The following PINX1 variants were observed in gnomAD, a reference collection of about 807,000 sequenced individuals.
The protein encoded by PINX1 is PIN2 (TERF1) interacting telomerase inhibitor 1.
A neutral mutation model predicts 25.4 loss-of-function variants in PINX1; 34 were observed. The observed-to-expected ratio is 1.34, with a 90% confidence interval of 1.02 to 1.78. The LOEUF is 1.78. PINX1 is among the 40% of genes most tolerant of loss of function. The pLI, the probability that PINX1 is intolerant of heterozygous loss-of-function variation, is 0.00. For missense variants in PINX1, 592 were observed against 404.9 expected, an observed-to-expected ratio of 1.46 and a Z score of -3.97; for synonymous variants, 197 against 147.7, an observed-to-expected ratio of 1.33 and a Z score of -2.42.
At chr8:10,831,031 A>G (rs1798212567) in intron 4 of PINX1, among the ~76,000 whole-genome samples, 1 of 152,240 alleles carries the variant, frequency 6.6e-6, no homozygotes, top group Non-Finnish European at 1.5e-5. Context: ...AACAGCCAAG[A>G]TATGGAATCA....
intron 3 of PINX1, among the ~76,000 whole-genome samples, chr8:10,831,980 G>T (rs571888010): frequency 6.6e-6 from 1 of 152,188 alleles, no homozygotes; most frequent in Non-Finnish European, 1.5e-5. Flanking sequence ...GATTTCAAAT[G>T]TGAATGACTT....
chr8:10,830,752 C>T (rs1467770229), intron 4 of PINX1, among the ~76,000 whole-genome samples: 1 of 152,048 alleles, frequency 6.6e-6, no homozygotes, highest in Non-Finnish European at 1.5e-5. Context: ...AATGGAAATC[C>T]AAATCACAAT....
At chr8:10,821,642 G>A (rs1254189693) in intron 5 of PINX1, among the ~76,000 whole-genome samples, 1 of 152,196 alleles carries the variant, frequency 6.6e-6, no homozygotes, top group East Asian at 1.9e-4. Flanking sequence ...GGGAAGAGGT[G>A]GACAAACTCA....
intron 5 of PINX1, among the ~76,000 whole-genome samples, chr8:10,822,405 A>C (rs1201269683): frequency 1.3e-5 from 2 of 152,278 alleles, no homozygotes; most frequent in Non-Finnish European, 2.9e-5. Flanking sequence ...AAGAAAACTG[A>C]ATAGGAAACA....
In PINX1 at chr8:10,770,816, A is replaced by G. The variant is rs79637334; in HGVS notation, c.472-4900T>C. Among the ~76,000 whole-genome samples, 1,199 of 152,334 alleles carry G rather than the reference A, an allele frequency of 7.9e-3. 16 individuals carry two copies. The highest frequency in any genetic ancestry group is 0.027 in the African/African-American group (1,136 of 41,562). Reference sequence around the variant, plus strand: ...AATGGGCTTCAAAGGCAAGTCTTTCAGCTCGCCAGCCTTGCTCATACATCA... The same window carrying G: ...AATGGGCTTCAAAGGCAAGTCTTTCGGCTCGCCAGCCTTGCTCATACATCA... On this transcript the variant is annotated intron_variant, in intron 6 of 6. Transcript: ENST00000314787.
At position 10,765,087 on chromosome 8, in the gene PINX1, C is replaced by T; in HGVS notation, c.*314G>A. 1 of 301,934 alleles carries T rather than the reference C, an allele frequency of 3.3e-6. No homozygotes were observed. Among genetic ancestry groups the T allele is most frequent in the African/African-American group, 2.2e-5 (1 of 46,372 alleles). The allele number at this position is 301,934 out of a possible 1,614,324, so 18.7% of individuals were successfully genotyped here. Reference sequence around the variant, plus strand: ...ACACACACACAGATGCGCACATGCACACACACGTGTGCACACTTACATGAA... The same window carrying T: ...ACACACACACAGATGCGCACATGCATACACACGTGTGCACACTTACATGAA... On this transcript the variant is annotated 3_prime_UTR_variant, in exon 7 of 7. Coordinates refer to ENST00000314787, the MANE Select transcript of PINX1 (RefSeq NM_017884.6).
intron 6 of PINX1, among the ~76,000 whole-genome samples, chr8:10,794,952 G>A (rs907003211): frequency 6.6e-6 from 1 of 152,160 alleles, no homozygotes; most frequent in Non-Finnish European, 1.5e-5. Context: ...ATTTAACATT[G>A]CTGAAGAATG....
chr8:10,836,930 T>C (rs1798422848), intron 1 of PINX1, among the ~76,000 whole-genome samples: 1 of 129,264 alleles, frequency 7.7e-6, no homozygotes, highest in African/African-American at 3.6e-5. Context: ...AGGAAAAGAC[T>C]GCCTCTGAGC....
chr8:10,824,470 T>C (rs1797975595), intron 5 of PINX1, among the ~76,000 whole-genome samples: 2 of 152,148 alleles, frequency 1.3e-5, no homozygotes, highest in Non-Finnish European at 2.9e-5. Context: ...CTGTTCTGCA[T>C]ACTGACTCCC....
intron 5 of PINX1, among the ~76,000 whole-genome samples, chr8:10,823,126 T>C (rs1471092773): frequency 6.6e-6 from 1 of 151,984 alleles, no homozygotes; most frequent in African/African-American, 2.4e-5. Context: ...GTCAAAAGAA[T>C]CAGAAGAGGA....
intron 2 of PINX1, chr8:10,834,268 C>A (rs756942644): frequency 2.4e-5 from 4 of 165,532 alleles, no homozygotes; most frequent in Non-Finnish European, 3.9e-5. Flanking sequence ...TCAATTACAT[C>A]CAGCACTGCT....
Position 10,765,487 on chromosome 8 carries a change from T to C in PINX1, c.901A>G (p.Lys301Glu), listed in dbSNP as rs750393659. 6.8e-6 allele frequency: 11 copies of C among 1,613,620 alleles called. No individual in the cohort carries two copies. In the East Asian group the frequency reaches 2.5e-4, roughly 36 times the overall value. Residue 301 changes from lysine to glutamate, a missense_variant, in exon 7 of 7, where the codon AAG becomes GAG. Physicochemically the swap from Lys to Glu is moderately conservative, Grantham distance 56. Transcript: ENST00000314787. Reference protein sequence around the residue: ...LKPKKRRGKKKLQKPVEIAED... With the variant: ...LKPKKRRGKKELQKPVEIAED... The stretch of plus-strand genomic sequence containing the variant: ...GCTATCTCTACTGGTTTTTGCAGCT[T>C]TTTCTTCCCTCTCCTCTTTTTGGGC...
At chr8:10,772,144 G>C (rs1296986340) in intron 6 of PINX1, among the ~76,000 whole-genome samples, 1 of 152,226 alleles carries the variant, frequency 6.6e-6, no homozygotes, top group East Asian at 1.9e-4. Flanking sequence ...AACTGTTCTT[G>C]GTAAAGAGAA....
chr8:10,799,971 T>C (rs904315388), intron 6 of PINX1, among the ~76,000 whole-genome samples: 2 of 152,212 alleles, frequency 1.3e-5, no homozygotes, highest in African/African-American at 4.8e-5. Flanking sequence ...GTTAAATTCC[T>C]GCCAAAGGTC....
intron 6 of PINX1, among the ~76,000 whole-genome samples, chr8:10,807,136 G>C (rs371054780): frequency 3.9e-5 from 6 of 152,230 alleles, no homozygotes; most frequent in African/African-American, 1.4e-4. Context: ...AACAATCTGC[G>C]AATGTGTGAA....
intron 6 of PINX1, among the ~76,000 whole-genome samples, chr8:10,816,259 G>A (rs1797694266): frequency 6.6e-6 from 1 of 152,198 alleles, no homozygotes; most frequent in Non-Finnish European, 1.5e-5. Context: ...AGTTACGTAA[G>A]ATGTAACCAC....
intron 6 of PINX1, among the ~76,000 whole-genome samples, chr8:10,816,434 A>G (rs1164935710): frequency 6.6e-6 from 1 of 152,230 alleles, no homozygotes; most frequent in African/African-American, 2.4e-5. Context: ...TAGAGAGACG[A>G]AAAAATACAC....
chr8:10,771,334 T>C (rs983316995), intron 6 of PINX1: 12 of 152,230 alleles, frequency 7.9e-5, no homozygotes, highest in Non-Finnish European at 5.9e-5. Flanking sequence ...GCCTACGATG[T>C]TCTTCCACAT....
chr8:10,825,192 T>C (rs1171305591), intron 5 of PINX1, among the ~76,000 whole-genome samples: 1 of 152,094 alleles, frequency 6.6e-6, no homozygotes, highest in African/African-American at 2.4e-5. Flanking sequence ...TACTTCAGAG[T>C]AGTGGGGATT....
Sources: gnomAD v4.1 joint callset for allele counts (sites outside exome capture counted in the v4.1 genomes callset) on GRCh38, gnomAD v4.1.1 for gene constraint, MANE v1.5 for transcripts, NCBI Gene and HGNC (gene_info 2026-07-23, HGNC 2026-07-21) for gene names.